The following C1QTNF1 variants were observed in gnomAD, a reference collection of about 807,000 sequenced individuals.
The protein encoded by C1QTNF1 is C1q and TNF related 1.
Under a neutral mutation model 27.8 loss-of-function variants are expected in C1QTNF1, and 22 were observed. That is an observed-to-expected ratio of 0.79 (90% confidence interval 0.56 to 1.13). The LOEUF is 1.13. C1QTNF1 is among the 50% of genes most tolerant of loss of function. The pLI is 0.00. For missense variants in C1QTNF1, 373 were observed against 380.2 expected (o/e 0.98, Z 0.16); for synonymous variants, 166 against 154.3 (o/e 1.08, Z -0.56).
rs1404449575 is a variant in C1QTNF1, at chr17:79,047,818, C to T, written c.576C>T (p.Leu192=). The T allele has an allele frequency of 6.2e-7, 1 of 1,614,106 alleles. No individual in the cohort carries two copies. The highest frequency in any genetic ancestry group is 8.5e-7 in the Non-Finnish European group (1 of 1,180,048). Reference sequence around the variant, plus strand: ...AGTTCTACTGCTACGTGCCCGGCCTCTACTTCTTCAGCCTCAACGTGCACA... The same window carrying T: ...AGTTCTACTGCTACGTGCCCGGCCTTTACTTCTTCAGCCTCAACGTGCACA... ...TGKFYCYVPG[L]YFFSLNVHTW... The change falls in exon 4 of 4, where the codon CTC becomes CTT. Residue 192 remains leucine, a synonymous_variant. Transcript: ENST00000579760.
rs2072575871 is a variant in C1QTNF1, at chr17:79,046,484, G to A, written c.156-71G>A. The A allele has an allele frequency of 6.3e-7, 1 of 1,595,536 alleles. No individual in the cohort carries two copies. Among genetic ancestry groups the A allele is most frequent in the African/African-American group, 1.3e-5 (1 of 74,684 alleles). ...GCAGGTCAGGCATGCCAGAACCACTGGCAGCAGGAGAGAGCAGCGTTTCCA... is the reference window on the plus strand; with the variant it reads ...GCAGGTCAGGCATGCCAGAACCACTAGCAGCAGGAGAGAGCAGCGTTTCCA... On this transcript the variant is annotated intron_variant, in intron 2 of 3. Transcript: ENST00000579760. The surrounding 1 kb of genome is among the most constrained non-coding windows in gnomAD (Gnocchi z 4.8).
Position 79,046,358 on chromosome 17 carries a change from A to G in C1QTNF1, c.156-197A>G, listed in dbSNP as rs2072572349. 6.6e-6 allele frequency among the ~76,000 whole-genome samples: 1 copy of G among 152,150 alleles called. No homozygotes were observed. Among genetic ancestry groups the G allele is most frequent in the Non-Finnish European group, 1.5e-5 (1 of 68,024 alleles). On this transcript the variant is annotated intron_variant, in intron 2 of 3. Coordinates refer to ENST00000579760, the MANE Select transcript of C1QTNF1 (RefSeq NM_030968.5). This position sits in a 1 kb window ranked among gnomAD's most constrained non-coding sequence, Gnocchi z 4.8. Reference sequence around the variant, plus strand: ...TTCCAGGACTGTCATTGCCTTTAACAGAGGGCAGGGGGCTCGTTCGGTAGT... The same window carrying G: ...TTCCAGGACTGTCATTGCCTTTAACGGAGGGCAGGGGGCTCGTTCGGTAGT...
intron 1 of C1QTNF1, among the ~76,000 whole-genome samples, chr17:79,028,165 A>G (rs933707871): frequency 6.6e-6 from 1 of 152,164 alleles, no homozygotes; most frequent in Non-Finnish European, 1.5e-5. Context: ...GAGGAGGAGA[A>G]GAGGCAGACA....
intron 1 of C1QTNF1, among the ~76,000 whole-genome samples, chr17:79,033,124 A>T (rs1366834472): frequency 6.6e-6 from 1 of 151,626 alleles, no homozygotes; most frequent in Non-Finnish European, 1.5e-5. Context: ...TGTTCAGCAG[A>T]TGATTGCATA....
At chr17:79,035,768 G>T (rs558958378) in intron 1 of C1QTNF1, among the ~76,000 whole-genome samples, 65 of 152,294 alleles carry the variant, frequency 4.3e-4, no homozygotes, top group African/African-American at 1.6e-3. Flanking sequence ...CTAGATGTGG[G>T]ATAAAGTCCT....
At position 79,046,732 on chromosome 17, in the gene C1QTNF1, C is replaced by A; in HGVS notation, c.295+38C>A. 2.5e-6 allele frequency: 4 copies of A among 1,612,404 alleles called. No homozygotes were observed. Among genetic ancestry groups the A allele is most frequent in the Non-Finnish European group, 3.4e-6 (4 of 1,178,992 alleles). On this transcript the variant is annotated intron_variant, in intron 3 of 3. Transcript: ENST00000579760. The surrounding 1 kb of genome is among the most constrained non-coding windows in gnomAD (Gnocchi z 4.8). ...CAAAGACAAGCACGGGGTGGCCGGG[C>A]TGCTCTGTGCTGATCCGGAGGAAGG...
rs999671977 is a variant in C1QTNF1 at position 79,024,194 on chromosome 17, C to A, written c.-315C>A. 6.6e-6 allele frequency: 1 copy of A among 152,362 alleles called. No homozygotes were observed. The highest frequency in any genetic ancestry group is 6.5e-5 in the Admixed American group (1 of 15,292). The allele number at this position is 152,362 out of a possible 1,614,324, so 9.4% of individuals were successfully genotyped here. On this transcript the variant is annotated 5_prime_UTR_variant, in exon 1 of 4. Transcript: ENST00000579760. ...ACATCTGGCTGGGCTTCGCTCCTTG[C>A]GCGTCTGTCCCACTTTCTCCCTCTC...
intron 1 of C1QTNF1, chr17:79,041,976 G>A (rs890585577): frequency 2.0e-5 from 3 of 152,252 alleles, no homozygotes; most frequent in Non-Finnish European, 2.9e-5. Context: ...GAAAGAGTCT[G>A]GCCCAGGGCC....
chr17:79,046,996 C>T lies in C1QTNF1; in HGVS notation c.295+302C>T, dbSNP rs566198737. 114 of 378,690 alleles carry T rather than the reference C, an allele frequency of 3.0e-4. 1 individual carries two copies. The highest frequency in any genetic ancestry group is 2.0e-3 in the African/African-American group (98 of 49,366). The allele number at this position is 378,690 out of a possible 1,614,324, so 23.5% of individuals were successfully genotyped here. A position where few individuals can be genotyped will look rare whatever the true frequency, so the allele number is the denominator to read the frequency against. On this transcript the variant is annotated intron_variant, in intron 3 of 3. Transcript: ENST00000579760. This position sits in a 1 kb window ranked among gnomAD's most constrained non-coding sequence, Gnocchi z 4.8. ...TGTATGTGGACGCCAGGCTTCTAGG[C>T]CCTTTGCTTTGGGGCTTGGTCCCCC... is the stretch of plus-strand genomic sequence containing the variant.
intron 1 of C1QTNF1, among the ~76,000 whole-genome samples, chr17:79,037,111 A>G (rs886131572): frequency 2.0e-5 from 3 of 152,014 alleles, no homozygotes; most frequent in African/African-American, 7.3e-5. Context: ...TTTATTCACC[A>G]TGCCCAGCTA....
At chr17:79,038,285 C>A (rs1480601782) in intron 1 of C1QTNF1, among the ~76,000 whole-genome samples, 1 of 152,188 alleles carries the variant, frequency 6.6e-6, no homozygotes, top group Non-Finnish European at 1.5e-5. Context: ...CCACCGCGCC[C>A]GGCCGGGATA....
Position 79,047,663 on chromosome 17 carries a change from T to G in C1QTNF1, c.421T>G (p.Cys141Gly). 1 of 1,612,986 alleles carries G rather than the reference T, an allele frequency of 6.2e-7. No individual in the cohort carries two copies. The highest frequency in any genetic ancestry group is 1.7e-4 in the Middle Eastern group (1 of 6,050). ...CTCCATGGGGGCCCCTGGGGAGCGG[T>G]GCAAGAGCCACTACGCCGCCTTTTC... Reference protein sequence around the residue: ...KGSMGAPGERCKSHYAAFSVG... With the variant: ...KGSMGAPGERGKSHYAAFSVG... Residue 141 changes from cysteine (C) to glycine (G), a missense_variant, in exon 4 of 4, where the codon TGC (cysteine) becomes GGC (glycine). Physicochemically the swap from Cys to Gly is radical, Grantham distance 159 (BLOSUM62 -3). Coordinates refer to ENST00000579760, the MANE Select transcript of C1QTNF1 (RefSeq NM_030968.5).
At position 79,048,166 on chromosome 17, in the gene C1QTNF1, T is replaced by C. The variant is rs1052668592; in HGVS notation, c.*78T>C. ...ACCCCACCGCCTCTTCCCCGATCCC[T>C]GGACTCCGACTCCCTGGCTTTGGCA... On this transcript the variant is annotated 3_prime_UTR_variant, in exon 4 of 4. Transcript: ENST00000579760. 12 of 937,122 alleles carry C rather than the reference T, an allele frequency of 1.3e-5. No homozygotes were observed. Among genetic ancestry groups the C allele is most frequent in the Non-Finnish European group, 1.6e-5 (12 of 731,908 alleles). The allele number at this position is 937,122 out of a possible 1,614,324, so 58.1% of individuals were successfully genotyped here.
At chr17:79,041,961 G>C (rs1353731002) in intron 1 of C1QTNF1, 1 of 152,194 alleles carries the variant, frequency 6.6e-6, no homozygotes, top group Non-Finnish European at 1.5e-5. Flanking sequence ...AGAGGAGTTA[G>C]AGGAGAAAGA....
At chr17:79,039,180 A>T (rs531534143) in intron 1 of C1QTNF1, among the ~76,000 whole-genome samples, 70 of 152,362 alleles carry the variant, frequency 4.6e-4, no homozygotes, top group African/African-American at 1.7e-3. Flanking sequence ...AGCTAGGGGC[A>T]ATTTTGCCCC....
chr17:79,043,408 TGA>T (rs149512295), intron 1 of C1QTNF1: 38,571 of 453,550 alleles, frequency 0.085, 1,946 homozygotes, highest in Middle Eastern at 0.13. Context: ...CATGTGAGTG[TGA>T]GTGTATGTGT....
Position 79,038,036 on chromosome 17 carries a change from C to T in C1QTNF1, c.-14-5919C>T, listed in dbSNP as rs77607205. ...ACGGAGTCTCACTCTGTTGCTCAGG[C>T]TGGAGTGCAGTGGCGCGATCTTGGC... On this transcript the variant is annotated intron_variant, in intron 1 of 3. Coordinates refer to ENST00000579760, the MANE Select transcript of C1QTNF1 (RefSeq NM_030968.5). 0.011 allele frequency among the ~76,000 whole-genome samples: 1,630 copies of T among 151,726 alleles called. 62 individuals are homozygous for T. In the East Asian group the frequency reaches 0.14, roughly 13 times the overall value.
At chr17:79,030,435 T>A (rs2145890819) in intron 1 of C1QTNF1, among the ~76,000 whole-genome samples, 1 of 151,638 alleles carries the variant, frequency 6.6e-6, no homozygotes, top group Non-Finnish European at 1.5e-5. Flanking sequence ...TTTACAAACT[T>A]TCTCTCTCTT....
chr17:79,029,380 G>A (rs1293109566), intron 1 of C1QTNF1, among the ~76,000 whole-genome samples: 2 of 152,198 alleles, frequency 1.3e-5, no homozygotes, highest in Non-Finnish European at 2.9e-5. Flanking sequence ...TGTGGAACCT[G>A]GGGCAAGCGG....
Sources: gnomAD v4.1 joint callset for allele counts (sites outside exome capture counted in the v4.1 genomes callset) on GRCh38, gnomAD v4.1.1 for gene constraint, Gnocchi (gnomAD v3.1) non-coding constraint, MANE v1.5 for transcripts, NCBI Gene and HGNC (gene_info 2026-07-23, HGNC 2026-07-21) for gene names.